The following ANO2 variants were observed in gnomAD, a reference collection of about 807,000 sequenced individuals.
ANO2 encodes the protein anoctamin-2.
A neutral mutation model predicts 124.2 loss-of-function variants in ANO2; 101 were observed. The ratio of observed to expected loss-of-function variants is 0.81; its 90% CI spans 0.69 to 0.96. The LOEUF (loss-of-function observed/expected upper bound fraction) is 0.96, where lower values mean the gene tolerates loss of function less well. Ranked by LOEUF, ANO2 falls within the 40% of genes least tolerant of loss-of-function variation. The pLI is 0.00. For synonymous variants in ANO2, 486 were observed against 482.5 expected (o/e 1.01, Z -0.09); for missense variants, 1,293 against 1,274.5 (o/e 1.01, Z -0.22).
chr12:5,603,494 G>A (rs1472356653), intron 19 of ANO2, among the ~76,000 whole-genome samples: 4 of 152,020 alleles, frequency 2.6e-5, no homozygotes, highest in Non-Finnish European at 5.9e-5. Context: ...AATGAAAGAT[G>A]GTAGAAGAAG....
chr12:5,774,500 G>GA (rs1952172361), intron 10 of ANO2, among the ~76,000 whole-genome samples: 1 of 152,164 alleles, frequency 6.6e-6, no homozygotes, highest in Non-Finnish European at 1.5e-5. Context: ...TTTTCAAGGG[G>GA]AAAGAAAGAA....
chr12:5,715,904 T>C (rs1317338491), intron 14 of ANO2, among the ~76,000 whole-genome samples: 1 of 152,178 alleles, frequency 6.6e-6, no homozygotes, highest in South Asian at 2.1e-4. Flanking sequence ...TGTTTAACCA[T>C]TGGGTAAGGA....
intron 3 of ANO2, among the ~76,000 whole-genome samples, chr12:5,891,192 G>A (rs1044073883): frequency 2.6e-5 from 4 of 152,190 alleles, no homozygotes; most frequent in Admixed American, 6.5e-5. Flanking sequence ...AGAGAGAGCC[G>A]AGGAGAAGCC....
At chr12:5,780,649 C>CAG (rs937000686) in intron 10 of ANO2, among the ~76,000 whole-genome samples, 1 of 152,168 alleles carries the variant, frequency 6.6e-6, no homozygotes, top group African/African-American at 2.4e-5. Flanking sequence ...GCAACAACCA[C>CAG]AGAGAGAGAG....
intron 14 of ANO2, among the ~76,000 whole-genome samples, chr12:5,727,528 C>T (rs1431868267): frequency 1.4e-5 from 2 of 145,794 alleles, no homozygotes; most frequent in African/African-American, 5.1e-5. Context: ...AAAAAAAAAG[C>T]AATGGCCTAC....
At chr12:5,751,079 C>T in intron 10 of ANO2, 109 bp from the exon 11 acceptor site, 1 of 1,123,788 alleles carries the variant, frequency 8.9e-7, no homozygotes, top group Non-Finnish European at 1.2e-6. Context: ...ATTCATTCCT[C>T]TTGTGACGAA....
intron 10 of ANO2, among the ~76,000 whole-genome samples, chr12:5,796,671 C>T (rs1229805173): frequency 6.6e-6 from 1 of 152,226 alleles, no homozygotes; most frequent in Non-Finnish European, 1.5e-5. Context: ...CACAGTGCAG[C>T]CTGCTGGGCA....
intron 14 of ANO2, among the ~76,000 whole-genome samples, chr12:5,719,004 T>G (rs542121849): frequency 3.3e-5 from 5 of 152,332 alleles, no homozygotes; most frequent in African/African-American, 1.2e-4. Context: ...ATTTAGCTTG[T>G]CAGCCCTTCT....
chr12:5,743,412 T>C (rs1396266805), intron 12 of ANO2, among the ~76,000 whole-genome samples: 1 of 152,098 alleles, frequency 6.6e-6, no homozygotes, highest in Non-Finnish European at 1.5e-5. Context: ...TGTGTCTTCT[T>C]AGAAATGCTC....
intron 16 of ANO2, among the ~76,000 whole-genome samples, chr12:5,616,783 C>T (rs776428183): frequency 6.6e-6 from 1 of 152,136 alleles, no homozygotes; most frequent in East Asian, 1.9e-4. Context: ...TACAGAAATC[C>T]TTTATATCCT....
chr12:5,675,636 C>T (rs1057313839), intron 14 of ANO2, among the ~76,000 whole-genome samples: 4 of 152,218 alleles, frequency 2.6e-5, no homozygotes, highest in Non-Finnish European at 4.4e-5. Context: ...GCCTTGCTGT[C>T]GTCAGTTCTC....
At chr12:5,861,244 T>C (rs1308922838) in intron 3 of ANO2, among the ~76,000 whole-genome samples, 1 of 152,036 alleles carries the variant, frequency 6.6e-6, no homozygotes, top group African/African-American at 2.4e-5. Context: ...CACCCTTCCA[T>C]CCTGAGGGCT....
chr12:5,892,933 T>G (rs1939510044), intron 3 of ANO2, among the ~76,000 whole-genome samples: 1 of 152,168 alleles, frequency 6.6e-6, no homozygotes, highest in South Asian at 2.1e-4. Context: ...TATAACACTT[T>G]CTCATAGAGT....
At chr12:5,726,807 C>G (rs1007229981) in intron 14 of ANO2, among the ~76,000 whole-genome samples, 7 of 152,260 alleles carry the variant, frequency 4.6e-5, no homozygotes, top group African/African-American at 1.7e-4. Context: ...GTCCAATCCC[C>G]CAAACCAATG....
intron 4 of ANO2, among the ~76,000 whole-genome samples, chr12:5,848,825 A>G (rs1034876982): frequency 6.6e-6 from 1 of 152,202 alleles, no homozygotes; most frequent in Admixed American, 6.5e-5. Context: ...AAGAGAGAAG[A>G]GAGTCAAAGA....
At chr12:5,679,591 C>G (rs1047905537) in intron 14 of ANO2, among the ~76,000 whole-genome samples, 1 of 152,156 alleles carries the variant, frequency 6.6e-6, no homozygotes, top group Non-Finnish European at 1.5e-5. Context: ...CAATGAGATA[C>G]CATCACATGC....
chr12:5,719,543 T>C (rs1379972781), intron 14 of ANO2, among the ~76,000 whole-genome samples: 1 of 152,144 alleles, frequency 6.6e-6, no homozygotes, highest in Non-Finnish European at 1.5e-5. Flanking sequence ...GGAAGCACTC[T>C]AGTGTCCTTT....
intron 10 of ANO2, among the ~76,000 whole-genome samples, chr12:5,768,580 C>T (rs1951969970): frequency 1.3e-5 from 2 of 152,204 alleles, no homozygotes; most frequent in African/African-American, 2.4e-5. Context: ...TGAGCACAGA[C>T]GTGCACGGAG....
chr12:5,891,363 A>T lies in ANO2; in HGVS notation c.534+29677T>A, dbSNP rs549055887. Among the ~76,000 whole-genome samples, 64 of 152,254 alleles carry T rather than the reference A, an allele frequency of 4.2e-4. No individual in the cohort carries two copies. In the Middle Eastern group the frequency reaches 0.014, roughly 32 times the overall value. On this transcript the variant is annotated intron_variant, in intron 3 of 24. Coordinates refer to ENST00000682330, the MANE Select transcript of ANO2 (RefSeq NM_001364791.2). ...TTCCTCTTTGCTCCCAAGAGGTTGG[A>T]GCAAACCCCTGTTGCTTTTTTCTCT...
Sources: gnomAD v4.1 joint callset for allele counts (sites outside exome capture counted in the v4.1 genomes callset) on GRCh38, gnomAD v4.1.1 for gene constraint, MANE v1.5 for transcripts, NCBI Gene and HGNC (gene_info 2026-07-23, HGNC 2026-07-21) for gene names.